The following DNAH10 variants were observed in gnomAD, a reference collection of about 807,000 sequenced individuals.
DNAH10 encodes the protein dynein axonemal heavy chain 10, also known as axonemal beta dynein heavy chain 10.
Under a neutral mutation model 506.6 loss-of-function variants are expected in DNAH10, and 348 were observed. The ratio of observed to expected loss-of-function variants is 0.69; its 90% CI spans 0.63 to 0.75. The LOEUF is 0.75. Among genes scored for constraint, DNAH10 ranks in the 30% least tolerant of loss-of-function variants. The pLI, the probability that DNAH10 is intolerant of heterozygous loss-of-function variation, is 0.00. For missense variants in DNAH10, 5,179 were observed against 5,787.1 expected, an observed-to-expected ratio of 0.89 and a Z score of 3.41; for synonymous variants, 2,059 against 2,198.6, an observed-to-expected ratio of 0.94 and a Z score of 1.78.
At chr12:123,818,161 G>A (rs985003432) in intron 21 of DNAH10, among the ~76,000 whole-genome samples, 1 of 152,030 alleles carries the variant, frequency 6.6e-6, no homozygotes, top group East Asian at 1.9e-4. Context: ...TGGTCAGGCT[G>A]GTCTTGAACG....
intron 40 of DNAH10, among the ~76,000 whole-genome samples, chr12:123,865,517 G>C (rs577372443): frequency 6.6e-6 from 1 of 152,022 alleles, no homozygotes; most frequent in African/African-American, 2.4e-5. Context: ...GAGAGAGCTA[G>C]GTTTGTTAAT....
intron 39 of DNAH10, among the ~76,000 whole-genome samples, chr12:123,864,157 T>C (rs952225113): frequency 4.9e-4 from 73 of 149,562 alleles, no homozygotes; most frequent in Admixed American, 1.8e-3. Context: ...TTTTTTTTTT[T>C]TTTTTTGAGA....
chr12:123,870,656 C>T (rs1029541349), intron 44 of DNAH10, among the ~76,000 whole-genome samples, 171 bp downstream of exon 44: 10 of 152,116 alleles, frequency 6.6e-5, no homozygotes, highest in Admixed American at 5.2e-4. Flanking sequence ...TGGAGGGTGG[C>T]CGCTTTGGTA....
intron 43 of DNAH10, among the ~76,000 whole-genome samples, chr12:123,868,497 A>T (rs1038491568): frequency 1.3e-5 from 2 of 152,166 alleles, no homozygotes; most frequent in African/African-American, 4.8e-5. Context: ...CATTTTCACC[A>T]TATCATTCAT....
chr12:123,914,285 CCAGAAGGTAAACT>C, intron 60 of DNAH10, 31 bp from the exon 61 acceptor site: 1 of 1,555,534 alleles, frequency 6.4e-7, no homozygotes, highest in Non-Finnish European at 8.7e-7. Flanking sequence ...TTGGTTGTGG[CCAGAAGGTAAACT>C]CACGGCAGCC....
Position 123,928,312 on chromosome 12 carries a change from T to A in DNAH10, c.12106-75T>A, listed in dbSNP as rs2137676895. On this transcript the variant is annotated intron_variant, in intron 69 of 78. Transcript: ENST00000673944. This position sits in a 1 kb window ranked among gnomAD's most constrained non-coding sequence, Gnocchi z 4.9. ...AGCTGCCATCGCCCTTCTGTGGGTG[T>A]GGAGTGGGTCTCTGGAGAGCACGGG... is the stretch of plus-strand genomic sequence containing the variant. The A allele has an allele frequency of 6.7e-7, 1 of 1,486,888 alleles. No individual in the cohort carries two copies. The allele number at this position is 1,486,888 out of a possible 1,614,324, so 92.1% of individuals were successfully genotyped here.
intron 28 of DNAH10, among the ~76,000 whole-genome samples, chr12:123,837,053 G>A (rs767393595): frequency 9.7e-4 from 146 of 151,084 alleles, no homozygotes; most frequent in Middle Eastern, 6.8e-3. Context: ...GGGTTTCACC[G>A]TGTTAGCCAG....
chr12:123,771,475 T>C, intron 2 of DNAH10, 126 bp from the exon 3 acceptor site: 1 of 748,538 alleles, frequency 1.3e-6, no homozygotes, highest in East Asian at 2.7e-5. Context: ...ACAGAAGGTA[T>C]GCACAGCTAT....
chr12:123,866,953 G>A (rs990680504), intron 41 of DNAH10, among the ~76,000 whole-genome samples: 5 of 152,192 alleles, frequency 3.3e-5, no homozygotes, highest in African/African-American at 1.2e-4. Context: ...AGGGCTACTA[G>A]GTTGGAGGTG....
In DNAH10 at chr12:123,826,684, C is replaced by T; in HGVS notation, c.4180-3C>T. 2.5e-6 allele frequency: 4 copies of T among 1,612,378 alleles called. No homozygotes were observed. Among genetic ancestry groups the T allele is most frequent in the Non-Finnish European group, 3.4e-6 (4 of 1,179,140 alleles). On this transcript the variant is annotated splice_region_variant and splice_polypyrimidine_tract_variant and intron_variant, in intron 24 of 78. Transcript: ENST00000673944. ...GATGGAGCTGTTCCTTGCACGTTTC[C>T]AGGTTGCAAAAGAAGAATGGTCTCA...
chr12:123,811,978 G>T (rs1476773479), intron 19 of DNAH10, among the ~76,000 whole-genome samples: 5 of 152,164 alleles, frequency 3.3e-5, no homozygotes, highest in Admixed American at 3.3e-4. Context: ...GGAAGCAGAA[G>T]TATTAGGTCA....
At chr12:123,793,231 C>G (rs1403213198) in intron 11 of DNAH10, among the ~76,000 whole-genome samples, 3 of 152,110 alleles carry the variant, frequency 2.0e-5, no homozygotes, top group Admixed American at 6.6e-5. Flanking sequence ...TTCCTGGGCC[C>G]AGTGCCTCCA....
rs202034758 is a variant in DNAH10 at position 123,785,722 on chromosome 12, G to T, written c.1231-24G>T. The T allele has an allele frequency of 6.5e-7, 1 of 1,539,212 alleles. No homozygotes were observed. The highest frequency in any genetic ancestry group is 8.8e-7 in the Non-Finnish European group (1 of 1,132,116). On this transcript the variant is annotated intron_variant, in intron 8 of 78. Coordinates refer to ENST00000673944, the MANE Select transcript of DNAH10 (RefSeq NM_001372106.1). This position sits in a 1 kb window ranked among gnomAD's most constrained non-coding sequence, Gnocchi z 4.1. ...GGACCCCAAGGCTAAGGGCTCTTGC[G>T]TGGCTCTCTCCTCTCTTGGTCAGAA...
chr12:123,842,754 T>TTTCCATGGTGCAAATATTCC (rs1950816642), intron 30 of DNAH10, among the ~76,000 whole-genome samples: 1 of 152,238 alleles, frequency 6.6e-6, no homozygotes, highest in Non-Finnish European at 1.5e-5. Context: ...CAGTTGCCAA[T>TTTCCATGGTGCAAATATTCC]TTCCATGGTG....
At position 123,784,091 on chromosome 12, in the gene DNAH10, C is replaced by CA. The variant is rs747212453; in HGVS notation, c.1145dup (p.Pro383AlafsTer79). 3 of 1,614,258 alleles carry CA rather than the reference C, an allele frequency of 1.9e-6. No individual in the cohort carries two copies. The highest frequency in any genetic ancestry group is 1.7e-6 in the Non-Finnish European group (2 of 1,180,052). On this transcript the variant is annotated frameshift_variant, in exon 8 of 79. Transcript: ENST00000673944. LOFTEE classifies it high-confidence loss of function. ...CGACTCCATGCTTGTGGCTAATCTG[C>CA]AGCCAGTGTTCACCGAGTTATTCAA...
chr12:123,833,944 C>T (rs1372455696), intron 27 of DNAH10, among the ~76,000 whole-genome samples: 2 of 152,196 alleles, frequency 1.3e-5, no homozygotes, highest in Non-Finnish European at 2.9e-5. Context: ...ATCCAGACCT[C>T]TGTGAGCAAC....
At chr12:123,780,276 A>G (rs1262851262) in intron 5 of DNAH10, among the ~76,000 whole-genome samples, 1 of 151,626 alleles carries the variant, frequency 6.6e-6, no homozygotes, top group Non-Finnish European at 1.5e-5. Flanking sequence ...AGCAATTCTC[A>G]TGCCTCAGCC....
At chr12:123,842,541 T>G (rs867787415) in intron 30 of DNAH10, among the ~76,000 whole-genome samples, 5 of 152,246 alleles carry the variant, frequency 3.3e-5, no homozygotes, top group African/African-American at 1.2e-4. Context: ...TTTTGTACAC[T>G]GCCTTTTTGA....
intron 52 of DNAH10, among the ~76,000 whole-genome samples, chr12:123,891,955 C>T (rs1953001943): frequency 2.0e-5 from 3 of 152,220 alleles, no homozygotes; most frequent in Non-Finnish European, 4.4e-5. Flanking sequence ...TGTGGCAACT[C>T]GTGTGAAGTA....
Sources: gnomAD v4.1 joint callset for allele counts (sites outside exome capture counted in the v4.1 genomes callset) on GRCh38, gnomAD v4.1.1 for gene constraint, Gnocchi (gnomAD v3.1) non-coding constraint, MANE v1.5 for transcripts, NCBI Gene and HGNC (gene_info 2026-07-23, HGNC 2026-07-21) for gene names.